The following CELF6 variants were observed in gnomAD, a reference collection of about 807,000 sequenced individuals.
CELF6 encodes the protein CUGBP Elav-like family member 6, also known as Bruno -like 6, RNA binding protein.
A neutral mutation model predicts 53.1 loss-of-function variants in CELF6; 32 were observed. That is an observed-to-expected ratio of 0.60 (90% CI 0.46 to 0.81). The LOEUF is 0.81. Ranked by LOEUF, CELF6 falls within the 30% of genes least tolerant of loss-of-function variation. CELF6 has a pLI of 0.00. For missense variants in CELF6, 539 were observed against 669.5 expected (o/e 0.81, Z 2.15); for synonymous variants, 291 against 288.8 (o/e 1.01, Z -0.08).
intron 3 of CELF6, among the ~76,000 whole-genome samples, chr15:72,295,207 C>T (rs2088061793): frequency 2.0e-5 from 3 of 149,112 alleles, no homozygotes; most frequent in Non-Finnish European, 4.5e-5. Flanking sequence ...AGGTGGCAAG[C>T]ACCTGTAATC....
In CELF6 at chr15:72,319,742, C is replaced by T; in HGVS notation, c.133G>A (p.Ala45Thr). The change falls in exon 1 of 13, where the codon GCC becomes ACC. Residue 45 changes from alanine to threonine, a missense_variant. Ala to Thr is a moderately conservative substitution (Grantham distance 58). This residue lies in a region of CELF6 where 84 missense variants were observed against 87.9 expected (regional missense o/e 0.96). Coordinates refer to ENST00000287202, the MANE Select transcript of CELF6 (RefSeq NM_052840.5). The surrounding 1 kb of genome is among the most constrained non-coding windows in gnomAD (Gnocchi z 5.0). The stretch of plus-strand genomic sequence containing the variant: ...ATCTGCCCCACGAAGAGCTTGATGG[C>T]GTCGTGGTCCTTCATGGGTACGGCG... ...GPAVPMKDHD[A>T]IKLFVGQIPR... 1 of 1,601,322 alleles carries T rather than the reference C, an allele frequency of 6.2e-7. No individual in the cohort carries two copies.
At chr15:72,313,311 T>C (rs981486818) in intron 2 of CELF6, among the ~76,000 whole-genome samples, 6 of 152,214 alleles carry the variant, frequency 3.9e-5, no homozygotes, top group African/African-American at 9.6e-5. Context: ...CAATACCTTA[T>C]TTAGGCCTGG....
In CELF6 at chr15:72,319,994, G is replaced by A. The variant is rs2140310702; in HGVS notation, c.-120C>T. Reference sequence around the variant, plus strand: ...CGGAGCCCGGGCGGAGAGGGCGGGGGGCTGCCCAGGGGGCGGGGTCCGGGT... The same window carrying A: ...CGGAGCCCGGGCGGAGAGGGCGGGGAGCTGCCCAGGGGGCGGGGTCCGGGT... On this transcript the variant is annotated 5_prime_UTR_variant, in exon 1 of 13. Coordinates refer to ENST00000287202, the MANE Select transcript of CELF6 (RefSeq NM_052840.5). This position sits in a 1 kb window ranked among gnomAD's most constrained non-coding sequence, Gnocchi z 5.0. 5 of 1,169,704 alleles carry A rather than the reference G, an allele frequency of 4.3e-6. No homozygotes were observed. The highest frequency in any genetic ancestry group is 3.0e-5 in the East Asian group (1 of 33,284). The allele number at this position is 1,169,704 out of a possible 1,614,324, so 72.5% of individuals were successfully genotyped here. A position where few individuals can be genotyped will look rare whatever the true frequency, so the allele number is the denominator to read the frequency against.
At chr15:72,300,012 T>C (rs2088131484) in intron 3 of CELF6, among the ~76,000 whole-genome samples, 2 of 152,182 alleles carry the variant, frequency 1.3e-5, no homozygotes. Context: ...CTAATATTAA[T>C]TGTATTGCAG....
At position 72,304,787 on chromosome 15, in the gene CELF6, C is replaced by T. The variant is rs745649494; in HGVS notation, c.353G>A (p.Arg118His). 29 of 1,614,020 alleles carry T rather than the reference C, an allele frequency of 1.8e-5. No individual in the cohort carries two copies. Among genetic ancestry groups the T allele is most frequent in the African/African-American group, 2.7e-5 (2 of 74,920 alleles). Residue 118 changes from arginine to histidine, a missense_variant, in exon 3 of 13, where the codon CGT (arginine) becomes CAT (histidine). This residue lies in a region of CELF6 where 97 missense variants were observed against 168.8 expected (regional missense o/e 0.57). Coordinates refer to ENST00000287202, the MANE Select transcript of CELF6 (RefSeq NM_052840.5). ...HEQKTLPGMN[R>H]PIQVKPAASE... ...GGCAGCTGGCTTCACTTGGATCGGA[C>T]GATTCATCTGAAAGACATCGGACCA...
chr15:72,294,401 G>A (rs1401384864), intron 3 of CELF6, among the ~76,000 whole-genome samples: 1 of 152,130 alleles, frequency 6.6e-6, no homozygotes, highest in Non-Finnish European at 1.5e-5. Context: ...AGAAAGTCTT[G>A]CTGGTGGCAG....
chr15:72,296,099 C>T (rs2088074519), intron 3 of CELF6, among the ~76,000 whole-genome samples: 1 of 152,102 alleles, frequency 6.6e-6, no homozygotes, highest in African/African-American at 2.4e-5. Flanking sequence ...AAATGATTTT[C>T]AACAAGGGAG....
At chr15:72,304,985 G>A (rs1413953744) in intron 2 of CELF6, among the ~76,000 whole-genome samples, 191 bp from the exon 3 acceptor site, 2 of 152,176 alleles carry the variant, frequency 1.3e-5, no homozygotes, top group Non-Finnish European at 2.9e-5. Context: ...AGAAGGTGCT[G>A]AAACTGGCAG....
In CELF6 at chr15:72,304,350, C is replaced by T. The variant is rs375370653; in HGVS notation, c.394+396G>A. Among the ~76,000 whole-genome samples the T allele has an allele frequency of 2.4e-4, 36 of 152,244 alleles. No individual in the cohort carries two copies. In the East Asian group the frequency reaches 5.6e-3, roughly 24 times the overall value. On this transcript the variant is annotated intron_variant, in intron 3 of 12. Transcript: ENST00000287202. Reference sequence around the variant, plus strand: ...ATGAAGGAATGGCCTCAATCCGAAACGGACTGTGTTTTCTGATATCAGAAG... The same window carrying T: ...ATGAAGGAATGGCCTCAATCCGAAATGGACTGTGTTTTCTGATATCAGAAG...
chr15:72,303,287 T>C (rs1302261774), intron 3 of CELF6, among the ~76,000 whole-genome samples: 2 of 152,162 alleles, frequency 1.3e-5, no homozygotes, highest in Non-Finnish European at 2.9e-5. Context: ...CTCAAAAACC[T>C]GACTGGAAAG....
At chr15:72,287,149 G>T in intron 12 of CELF6, 88 bp downstream of exon 12, 1 of 1,227,280 alleles carries the variant, frequency 8.1e-7, no homozygotes, top group Middle Eastern at 3.0e-4. Flanking sequence ...AGAGGTGGGT[G>T]CCTCCAAGGT....
rs913525723 is a variant in CELF6 at position 72,288,850 on chromosome 15, C to T, written c.1093+18G>A. On this transcript the variant is annotated intron_variant, in intron 9 of 12. Coordinates refer to ENST00000287202, the MANE Select transcript of CELF6 (RefSeq NM_052840.5). The surrounding 1 kb of genome is among the most constrained non-coding windows in gnomAD (Gnocchi z 4.6). ...GGGCCCTTCAACCTCCCCCAGGCCG[C>T]GTAGCGCCAAGTGAAACCTGCGTAG... 2 of 1,549,518 alleles carry T rather than the reference C, an allele frequency of 1.3e-6. No individual in the cohort carries two copies. Among genetic ancestry groups the T allele is most frequent in the African/African-American group, 1.4e-5 (1 of 73,022 alleles).
intron 3 of CELF6, among the ~76,000 whole-genome samples, chr15:72,295,544 T>C (rs915287843): frequency 1.3e-5 from 2 of 151,572 alleles, no homozygotes. Context: ...CTGGCCAACA[T>C]AGTGAAACCC....
At chr15:72,296,531 G>C (rs1411796915) in intron 3 of CELF6, among the ~76,000 whole-genome samples, 4 of 152,152 alleles carry the variant, frequency 2.6e-5, no homozygotes, top group African/African-American at 9.7e-5. Flanking sequence ...ATCAAGATAA[G>C]AGGTTAACAT....
At chr15:72,308,791 C>T (rs1017947347) in intron 2 of CELF6, among the ~76,000 whole-genome samples, 8 of 151,976 alleles carry the variant, frequency 5.3e-5, no homozygotes, top group Admixed American at 2.6e-4. Flanking sequence ...CTGCAATCTC[C>T]GCCTCCCAGG....
rs2087974887 is a variant in CELF6 at position 72,289,552 on chromosome 15, C to T, written c.748-45G>A. ...CGAGAGTGGAGGGCCAAGGGGCAGG[C>T]AGCTGCCCGTGCTCTCAGCCCCAGG... On this transcript the variant is annotated intron_variant, in intron 6 of 12. Coordinates refer to ENST00000287202, the MANE Select transcript of CELF6 (RefSeq NM_052840.5). This position sits in a 1 kb window ranked among gnomAD's most constrained non-coding sequence, Gnocchi z 7.6. The T allele has an allele frequency of 2.0e-6, 3 of 1,486,388 alleles. No individual in the cohort carries two copies. The highest frequency in any genetic ancestry group is 2.7e-6 in the Non-Finnish European group (3 of 1,123,008). The allele number at this position is 1,486,388 out of a possible 1,614,324, so 92.1% of individuals were successfully genotyped here.
chr15:72,290,458 C>T (rs1164111887), intron 3 of CELF6, among the ~76,000 whole-genome samples: 1 of 152,202 alleles, frequency 6.6e-6, no homozygotes, highest in Non-Finnish European at 1.5e-5. Flanking sequence ...GCTCAGCTTT[C>T]CATCAGGAAA....
intron 3 of CELF6, 106 bp from the exon 4 acceptor site, chr15:72,290,361 C>T: frequency 7.2e-7 from 1 of 1,382,556 alleles, no homozygotes. Context: ...CTCTGGGAAG[C>T]AGAGGGAGTG....
At chr15:72,311,914 C>T (rs181137348) in intron 2 of CELF6, among the ~76,000 whole-genome samples, 1 of 152,300 alleles carries the variant, frequency 6.6e-6, no homozygotes, top group African/African-American at 2.4e-5. Context: ...GGATTTTTGC[C>T]CCCATCTGCC....
Sources: allele counts gnomAD v4.1 joint callset (sites outside exome capture counted in the v4.1 genomes callset), GRCh38; gene constraint gnomAD v4.1.1; regional missense constraint gnomAD v4.1.1; non-coding constraint Gnocchi (gnomAD v3.1); transcripts MANE v1.5; gene names NCBI Gene and HGNC (gene_info 2026-07-23, HGNC 2026-07-21).